The following NDST4 variants were observed in gnomAD, a reference collection of about 807,000 sequenced individuals.
NDST4 encodes the protein N-deacetylase and N-sulfotransferase 4.
A neutral mutation model predicts 100.8 loss-of-function variants in NDST4; 63 were observed. The observed-to-expected ratio is 0.62, with a 90% confidence interval of 0.51 to 0.77. The LOEUF is 0.77. NDST4 is among the 30% of genes least tolerant of loss of function. The pLI is 0.00. For missense variants in NDST4, 943 were observed against 1,018.4 expected (o/e 0.93, Z 1.01); for synonymous variants, 377 against 361.8 (o/e 1.04, Z -0.48).
chr4:114,848,388 T>C, intron 8 of NDST4, 50 bp from the exon 9 acceptor site: 1 of 1,366,424 alleles, frequency 7.3e-7, no homozygotes, highest in Non-Finnish European at 9.9e-7. Context: ...AGAGACAAAA[T>C]ATTATTTTAG....
chr4:115,051,696 G>A lies in NDST4; in HGVS notation c.978+24363C>T, dbSNP rs187754340. On this transcript the variant is annotated intron_variant, in intron 2 of 13. Transcript: ENST00000264363. ...GAACTTAGGTAGATTCCATATTTTG[G>A]CTATTACGAATAATGCAGTGAACAT... 3.4e-3 allele frequency among the ~76,000 whole-genome samples: 520 copies of A among 152,028 alleles called. 3 individuals are homozygous for A. Among genetic ancestry groups the A allele is most frequent in the Non-Finnish European group, 4.1e-3 (277 of 67,950 alleles).
intron 2 of NDST4, among the ~76,000 whole-genome samples, chr4:115,034,244 T>A (rs2126271296): frequency 6.6e-6 from 1 of 152,198 alleles, no homozygotes; most frequent in South Asian, 2.1e-4. Flanking sequence ...AGATTCCTCC[T>A]GAGACATCCA....
At chr4:114,957,591 A>C (rs1161740986) in intron 4 of NDST4, among the ~76,000 whole-genome samples, 1 of 152,242 alleles carries the variant, frequency 6.6e-6, no homozygotes, top group Non-Finnish European at 1.5e-5. Context: ...CCTTCTCAAC[A>C]GTCCCCCAAA....
intron 2 of NDST4, among the ~76,000 whole-genome samples, chr4:114,997,934 T>C (rs1727201262): frequency 6.6e-6 from 1 of 152,080 alleles, no homozygotes; most frequent in Non-Finnish European, 1.5e-5. Flanking sequence ...AAGGATTTGT[T>C]GGAAATGACA....
chr4:115,093,017 G>T (rs997437032), intron 1 of NDST4, among the ~76,000 whole-genome samples: 1 of 152,098 alleles, frequency 6.6e-6, no homozygotes, highest in African/African-American at 2.4e-5. Context: ...TGTGATGATA[G>T]AAAGTTCAAT....
chr4:114,912,541 C>T (rs1484536364), intron 6 of NDST4, among the ~76,000 whole-genome samples: 2 of 152,088 alleles, frequency 1.3e-5, no homozygotes, highest in East Asian at 3.9e-4. Flanking sequence ...GGTGCCTGAA[C>T]AAGCATAAAG....
intron 4 of NDST4, among the ~76,000 whole-genome samples, chr4:114,956,555 G>A (rs1342920572): frequency 6.6e-6 from 1 of 152,172 alleles, no homozygotes; most frequent in Non-Finnish European, 1.5e-5. Flanking sequence ...CATAATCTGA[G>A]TGCCTTTTGT....
At chr4:114,873,370 T>C (rs1455958526) in intron 6 of NDST4, among the ~76,000 whole-genome samples, 1 of 151,772 alleles carries the variant, frequency 6.6e-6, no homozygotes, top group East Asian at 1.9e-4. Context: ...ATGATTTTAA[T>C]TGAGATTCAT....
intron 6 of NDST4, among the ~76,000 whole-genome samples, chr4:114,885,360 A>C (rs1190715253): frequency 6.6e-6 from 1 of 152,128 alleles, no homozygotes; most frequent in Non-Finnish European, 1.5e-5. Flanking sequence ...TTGTCCATTC[A>C]TTGCTGCTGG....
intron 4 of NDST4, among the ~76,000 whole-genome samples, chr4:114,938,470 T>A (rs1725680008): frequency 6.6e-6 from 1 of 152,218 alleles, no homozygotes; most frequent in Admixed American, 6.5e-5. Context: ...TTTCTTTATA[T>A]CCCTCCCTTT....
intron 2 of NDST4, among the ~76,000 whole-genome samples, chr4:115,075,233 A>G (rs950580107): frequency 7.9e-5 from 12 of 152,180 alleles, no homozygotes; most frequent in Non-Finnish European, 1.0e-4. Context: ...GTTTTTGCTA[A>G]TATCTATATT....
At chr4:115,109,268 A>C (rs1490628387) in intron 1 of NDST4, among the ~76,000 whole-genome samples, 2 of 151,850 alleles carry the variant, frequency 1.3e-5, no homozygotes, top group Non-Finnish European at 2.9e-5. Context: ...CTAACTTTCA[A>C]CTTCTGTGTA....
chr4:114,828,590 T>C (rs570812817), intron 13 of NDST4, among the ~76,000 whole-genome samples: 162 of 152,006 alleles, frequency 1.1e-3, no homozygotes, highest in African/African-American at 3.6e-3. Flanking sequence ...ATGGTTTTAG[T>C]TTTATATTTA....
At chr4:115,025,145 A>T (rs1232682281) in intron 2 of NDST4, among the ~76,000 whole-genome samples, 1 of 152,088 alleles carries the variant, frequency 6.6e-6, no homozygotes, top group Admixed American at 6.5e-5. Flanking sequence ...AAACAAAGAC[A>T]GACCCCACAA....
At chr4:114,942,819 T>G (rs1725778353) in intron 4 of NDST4, among the ~76,000 whole-genome samples, 2 of 151,810 alleles carry the variant, frequency 1.3e-5, no homozygotes, top group African/African-American at 4.8e-5. Flanking sequence ...AGTTAATAAG[T>G]GTAAACTTCA....
chr4:115,044,680 A>G (rs535284199), intron 2 of NDST4, among the ~76,000 whole-genome samples: 6 of 150,368 alleles, frequency 4.0e-5, no homozygotes, highest in Admixed American at 6.6e-5. Flanking sequence ...AGACACCATG[A>G]GTAAAAGTCA....
chr4:114,862,285 A>C (rs1723934646), intron 7 of NDST4, among the ~76,000 whole-genome samples: 1 of 152,162 alleles, frequency 6.6e-6, no homozygotes, highest in Non-Finnish European at 1.5e-5. Flanking sequence ...GAAGCTAGTT[A>C]ATGAGTACAC....
rs556066338 is a variant in NDST4, at chr4:115,085,664, C to T, written c.-246-8382G>A. The stretch of plus-strand genomic sequence containing the variant: ...CAGCACTCATTCTCTCTCCTGCCAC[C>T]CTGTAATGAGATGCCTTCTACCATG... On this transcript the variant is annotated intron_variant, in intron 1 of 13. Transcript: ENST00000264363. Among the ~76,000 whole-genome samples, 42 of 152,218 alleles carry T rather than the reference C, an allele frequency of 2.8e-4. No individual in the cohort carries two copies. The South Asian group carries it at 7.7e-3, about 28-fold the overall frequency.
At chr4:114,864,541 G>A (rs1437935954) in intron 7 of NDST4, among the ~76,000 whole-genome samples, 2 of 152,156 alleles carry the variant, frequency 1.3e-5, no homozygotes, top group African/African-American at 2.4e-5. Context: ...CATGTACACT[G>A]ATGAGGAAGT....
Sources: gnomAD v4.1 joint callset for allele counts (sites outside exome capture counted in the v4.1 genomes callset) on GRCh38, gnomAD v4.1.1 for gene constraint, MANE v1.5 for transcripts, NCBI Gene and HGNC (gene_info 2026-07-23, HGNC 2026-07-21) for gene names.